HDAC4: variants seen among roughly 807,000 people sequenced by gnomAD.
HDAC4 encodes the protein histone deacetylase A.
HDAC4 carries 16 observed loss-of-function variants against 135.1 expected under a neutral mutation model. The observed-to-expected ratio is 0.12, with a 90% CI of 0.08 to 0.18. The LOEUF (loss-of-function observed/expected upper bound fraction) is 0.18, where lower values mean the gene tolerates loss of function less well. HDAC4 is among the 10% of genes least tolerant of loss of function. The probability of loss-of-function intolerance (pLI) is 1.00; values close to 1 mark genes in which losing one functional copy is unlikely to be tolerated. For missense variants in HDAC4, 1,143 were observed against 1,511.8 expected (o/e 0.76, Z 4.05); for synonymous variants, 685 against 653.4 (o/e 1.05, Z -0.74).
At chr2:239,241,051 G>A (rs549396654) in intron 2 of HDAC4, among the ~76,000 whole-genome samples, 91 of 152,304 alleles carry the variant, frequency 6.0e-4, no homozygotes, top group African/African-American at 2.1e-3. Flanking sequence ...CAGTTTCCTA[G>A]GATCACGGAG....
rs1290474292 is a variant in HDAC4, at chr2:239,048,788, G to A, written c.*4309C>T. 1 of 152,194 alleles carries A rather than the reference G, an allele frequency of 6.6e-6. No homozygotes were observed. The highest frequency in any genetic ancestry group is 2.4e-5 in the African/African-American group (1 of 41,438). The allele number at this position is 152,194 out of a possible 1,614,324, so 9.4% of individuals were successfully genotyped here. ...TACAATGAAGAAATGGTTTCCTTTC[G>A]ATGCAAAGTATAATTGTAAACCACA... On this transcript the variant is annotated 3_prime_UTR_variant, in exon 27 of 27. Coordinates refer to ENST00000543185, the MANE Select transcript of HDAC4 (RefSeq NM_001378414.1).
At position 239,053,618 on chromosome 2, in the gene HDAC4, A is replaced by G. The variant is rs777728549; in HGVS notation, c.3089-17T>C. On this transcript the variant is annotated splice_polypyrimidine_tract_variant and intron_variant, in intron 25 of 26. Coordinates refer to ENST00000543185, the MANE Select transcript of HDAC4 (RefSeq NM_001378414.1). ...AGTACTTGCCTGGGGTGGTGGGGTGAGGAAAGTCGCTCAGTGACTACAACT... is the reference window on the plus strand; with the variant it reads ...AGTACTTGCCTGGGGTGGTGGGGTGGGGAAAGTCGCTCAGTGACTACAACT... The G allele has an allele frequency of 6.2e-7, 1 of 1,612,294 alleles. No individual in the cohort carries two copies. Among genetic ancestry groups the G allele is most frequent in the African/African-American group, 1.3e-5 (1 of 74,914 alleles).
At chr2:239,277,485 C>T (rs532239356) in intron 2 of HDAC4, among the ~76,000 whole-genome samples, 29 of 152,310 alleles carry the variant, frequency 1.9e-4, no homozygotes, top group Admixed American at 1.2e-3. Flanking sequence ...ATGGTCTCTG[C>T]GCTGTTGGTG....
In HDAC4 at chr2:239,167,157, T is replaced by C. The variant is rs1477010006; in HGVS notation, c.491-3234A>G. On this transcript the variant is annotated intron_variant, in intron 5 of 26. Coordinates refer to ENST00000543185, the MANE Select transcript of HDAC4 (RefSeq NM_001378414.1). This position sits in a 1 kb window ranked among gnomAD's most constrained non-coding sequence, Gnocchi z 4.1. ...CGGGACGAGGACGCCCTCAACACTTTCCAGTAGACCCAAACTCAGTGCAGT... is the reference window on the plus strand; with the variant it reads ...CGGGACGAGGACGCCCTCAACACTTCCCAGTAGACCCAAACTCAGTGCAGT... Among the ~76,000 whole-genome samples the C allele has an allele frequency of 6.6e-6, 1 of 151,750 alleles. No homozygotes were observed. Among genetic ancestry groups the C allele is most frequent in the Non-Finnish European group, 1.5e-5 (1 of 67,960 alleles).
intron 2 of HDAC4, among the ~76,000 whole-genome samples, chr2:239,276,107 G>A (rs532896323): frequency 3.3e-5 from 5 of 152,288 alleles, no homozygotes; most frequent in East Asian, 3.9e-4. Context: ...GGAGGACTGC[G>A]CAGGGACCTG....
intron 2 of HDAC4, among the ~76,000 whole-genome samples, chr2:239,248,852 C>T (rs149920574): frequency 2.0e-5 from 3 of 152,330 alleles, no homozygotes; most frequent in East Asian, 3.9e-4. Flanking sequence ...CTCATTCAAG[C>T]CTCAAGGTCA....
chr2:239,392,204 G>A (rs1193099338), intron 1 of HDAC4, among the ~76,000 whole-genome samples: 1 of 152,222 alleles, frequency 6.6e-6, no homozygotes, highest in African/African-American at 2.4e-5. Context: ...GAGCTACGCT[G>A]GGCTGTGCTG....
intron 1 of HDAC4, among the ~76,000 whole-genome samples, chr2:239,379,218 T>G (rs956605172): frequency 2.7e-5 from 4 of 150,050 alleles, no homozygotes; most frequent in Non-Finnish European, 5.9e-5. Flanking sequence ...CCAGGGGGAG[T>G]GGGCGCTGGG....
In HDAC4 at chr2:239,393,962, G is replaced by A. The variant is rs935046311; in HGVS notation, c.-220+7016C>T. On this transcript the variant is annotated intron_variant, in intron 1 of 26. Transcript: ENST00000543185. ...ATATTCAGGGAACATGGCCCCCAAGGACCACCCCCCCTCCACCCCCAACCC... is the reference window on the plus strand; with the variant it reads ...ATATTCAGGGAACATGGCCCCCAAGAACCACCCCCCCTCCACCCCCAACCC... Among the ~76,000 whole-genome samples the A allele has an allele frequency of 2.6e-5, 4 of 151,428 alleles. No homozygotes were observed. The South Asian group carries it at 8.3e-4, about 32-fold the overall frequency.
chr2:239,054,059 G>A (rs1006773604), intron 25 of HDAC4, among the ~76,000 whole-genome samples: 8 of 151,942 alleles, frequency 5.3e-5, no homozygotes, highest in African/African-American at 1.7e-4. Context: ...TGCGTCAGGC[G>A]CAAGGGGGTG....
intron 22 of HDAC4, among the ~76,000 whole-genome samples, chr2:239,079,040 T>C (rs1269671264): frequency 6.6e-6 from 1 of 152,196 alleles, no homozygotes; most frequent in Admixed American, 6.5e-5. Flanking sequence ...ACACCTCTTA[T>C]GGTGGCCAGA....
At chr2:239,263,146 C>T (rs1217880418) in intron 2 of HDAC4, among the ~76,000 whole-genome samples, 1 of 152,136 alleles carries the variant, frequency 6.6e-6, no homozygotes, top group Non-Finnish European at 1.5e-5. Context: ...AAAAACACTA[C>T]CCTCCTTCAT....
At chr2:239,243,155 CTTTTTTT>C (rs1285513656) in intron 2 of HDAC4, among the ~76,000 whole-genome samples, 1 of 141,484 alleles carries the variant, frequency 7.1e-6, no homozygotes, top group Non-Finnish European at 1.6e-5. Flanking sequence ...ATTAACATTC[CTTTTTTT>C]TTTTTTTTGA....
At position 239,114,722 on chromosome 2, in the gene HDAC4, A is replaced by T. The variant is rs565664407; in HGVS notation, c.1791+331T>A. ...CCTCTAGTTCCTTCACTTCTTTAAA[A>T]AGCATGCTGTATCTCACTAACACAT... On this transcript the variant is annotated intron_variant, in intron 13 of 26. Coordinates refer to ENST00000543185, the MANE Select transcript of HDAC4 (RefSeq NM_001378414.1). Among the ~76,000 whole-genome samples, 9 of 152,296 alleles carry T rather than the reference A, an allele frequency of 5.9e-5. No individual in the cohort carries two copies. In the South Asian group the frequency reaches 1.9e-3, roughly 32 times the overall value.
At chr2:239,084,316 G>T in intron 19 of HDAC4, 74 bp from the exon 20 acceptor site, 1 of 1,017,092 alleles carries the variant, frequency 9.8e-7, no homozygotes, top group Non-Finnish European at 1.5e-6. Context: ...CCGCCAGAGA[G>T]CCACTCGGGG....
At chr2:239,380,654 T>C (rs1695354499) in intron 1 of HDAC4, among the ~76,000 whole-genome samples, 1 of 152,250 alleles carries the variant, frequency 6.6e-6, no homozygotes, top group Non-Finnish European at 1.5e-5. Flanking sequence ...TGCTGAACTG[T>C]ACACTAACAA....
intron 2 of HDAC4, among the ~76,000 whole-genome samples, chr2:239,330,787 T>C (rs897443312): frequency 6.6e-6 from 1 of 152,252 alleles, no homozygotes; most frequent in Non-Finnish European, 1.5e-5. Context: ...TATTTATCTT[T>C]AAATGTTTTA....
chr2:239,277,996 C>CACACACCCCAGCCACACACTCCAGCT (rs1190949655), intron 2 of HDAC4, among the ~76,000 whole-genome samples: 1 of 152,046 alleles, frequency 6.6e-6, no homozygotes, highest in African/African-American at 2.4e-5. Flanking sequence ...ACACCCCAGC[C>CACACACCCCAGCCACACACTCCAGCT]ACACACCCCA....
chr2:239,141,208 A>G lies in HDAC4; in HGVS notation c.866-1412T>C, dbSNP rs943481741. 2.6e-5 allele frequency among the ~76,000 whole-genome samples: 4 copies of G among 152,050 alleles called. No homozygotes were observed. The highest frequency in any genetic ancestry group is 9.7e-5 in the African/African-American group (4 of 41,398). On this transcript the variant is annotated intron_variant, in intron 8 of 26. Coordinates refer to ENST00000543185, the MANE Select transcript of HDAC4 (RefSeq NM_001378414.1). This position sits in a 1 kb window ranked among gnomAD's most constrained non-coding sequence, Gnocchi z 4.9. ...TGGTGAAGGCGCACCTCCTCTGTTG[A>G]CCACGCTGCCCACCAGGAACACCCT...
Sources: allele counts gnomAD v4.1 joint callset (sites outside exome capture counted in the v4.1 genomes callset), GRCh38; gene constraint gnomAD v4.1.1; non-coding constraint Gnocchi (gnomAD v3.1); transcripts MANE v1.5; gene names NCBI Gene and HGNC (gene_info 2026-07-23, HGNC 2026-07-21).